PPFIBP1: variants seen among roughly 807,000 people sequenced by gnomAD.
The protein encoded by PPFIBP1 is liprin-beta-1.
A neutral mutation model predicts 137.8 loss-of-function variants in PPFIBP1; 112 were observed. The observed-to-expected ratio is 0.81, with a 90% confidence interval of 0.70 to 0.95. PPFIBP1 has a LOEUF of 0.95. Among genes scored for constraint, PPFIBP1 ranks in the 40% least tolerant of loss-of-function variants. The probability of loss-of-function intolerance (pLI) is 0.00; values close to 1 mark genes in which losing one functional copy is unlikely to be tolerated. For missense variants in PPFIBP1, 1,083 were observed against 1,196.6 expected (o/e 0.91, Z 1.40); for synonymous variants, 378 against 417.3 (o/e 0.91, Z 1.15).
chr12:27,640,372 G>A (rs775352846), intron 4 of PPFIBP1, among the ~76,000 whole-genome samples: 10 of 152,130 alleles, frequency 6.6e-5, no homozygotes, highest in African/African-American at 9.7e-5. Context: ...CTAGATCTTC[G>A]TATCCTGTCA....
At chr12:27,606,074 G>T (rs1218025352) in intron 2 of PPFIBP1, among the ~76,000 whole-genome samples, 2 of 152,150 alleles carry the variant, frequency 1.3e-5, no homozygotes, top group Non-Finnish European at 2.9e-5. Flanking sequence ...AATTTAATAA[G>T]AAAGGATTAA....
Position 27,637,934 on chromosome 12 carries a change from A to G in PPFIBP1, c.270+2819A>G, listed in dbSNP as rs145734236. Among the ~76,000 whole-genome samples the G allele has an allele frequency of 4.3e-3, 651 of 152,282 alleles. 6 individuals carry two copies. Among genetic ancestry groups the G allele is most frequent in the African/African-American group, 0.015 (617 of 41,542 alleles). ...GATCTTAAAATGGGTATATGTATACATTTTAGCTCGGATCCTTCCTCCCTT... is the reference window on the plus strand; with the variant it reads ...GATCTTAAAATGGGTATATGTATACGTTTTAGCTCGGATCCTTCCTCCCTT... On this transcript the variant is annotated intron_variant, in intron 4 of 29. Coordinates refer to ENST00000228425, the MANE Select transcript of PPFIBP1 (RefSeq NM_003622.4).
chr12:27,656,148 A>G (rs1274637065), intron 8 of PPFIBP1, among the ~76,000 whole-genome samples: 3 of 150,750 alleles, frequency 2.0e-5, no homozygotes, highest in Non-Finnish European at 4.4e-5. Context: ...TTGCTACCTT[A>G]CCCATGAATG....
At chr12:27,670,003 G>C (rs1305969128) in intron 13 of PPFIBP1, among the ~76,000 whole-genome samples, 1 of 152,198 alleles carries the variant, frequency 6.6e-6, no homozygotes, top group Non-Finnish European at 1.5e-5. Flanking sequence ...GACTGTTGCT[G>C]ACTGGTTGGC....
Position 27,682,601 on chromosome 12 carries a change from CCT to C in PPFIBP1, c.2159-7_2159-6del, listed in dbSNP as rs1227116368. On this transcript the variant is annotated splice_polypyrimidine_tract_variant and intron_variant, in intron 23 of 29. Coordinates refer to ENST00000228425, the MANE Select transcript of PPFIBP1 (RefSeq NM_003622.4). The stretch of plus-strand genomic sequence containing the variant: ...TTTTGTGGCATGGTAGCAACACTGG[CCT>C]CTCTCTTTTAGGATGGTTGGATGAC... 1.9e-6 allele frequency: 3 copies of C among 1,613,752 alleles called. No individual in the cohort carries two copies. The highest frequency in any genetic ancestry group is 1.1e-5 in the South Asian group (1 of 91,066).
At chr12:27,563,733 T>C (rs182273127) in intron 1 of PPFIBP1, among the ~76,000 whole-genome samples, 2 of 152,276 alleles carry the variant, frequency 1.3e-5, no homozygotes, top group Admixed American at 1.3e-4. Flanking sequence ...CCCCAGGCTG[T>C]CAGTCAGAGT....
At chr12:27,589,519 A>G (rs2052212446) in intron 2 of PPFIBP1, among the ~76,000 whole-genome samples, 1 of 152,206 alleles carries the variant, frequency 6.6e-6, no homozygotes, top group Admixed American at 6.5e-5. Context: ...CTGCTTTCTA[A>G]TATATAGCAT....
intron 10 of PPFIBP1, 123 bp from the exon 11 acceptor site, chr12:27,660,761 A>G: frequency 7.2e-7 from 1 of 1,396,796 alleles, no homozygotes; most frequent in Non-Finnish European, 9.5e-7. Flanking sequence ...CCCTTTTTAA[A>G]GAATAAATGA....
At chr12:27,536,535 A>G (rs1039221243) in intron 1 of PPFIBP1, among the ~76,000 whole-genome samples, 8 of 152,138 alleles carry the variant, frequency 5.3e-5, no homozygotes, top group Admixed American at 1.3e-4. Flanking sequence ...CCATGAACGA[A>G]TTGAGCAAGA....
chr12:27,627,579 A>G (rs1288526076), intron 2 of PPFIBP1, among the ~76,000 whole-genome samples: 2 of 152,210 alleles, frequency 1.3e-5, no homozygotes, highest in Non-Finnish European at 2.9e-5. Context: ...AAAATTTAAA[A>G]GAAACTTGCT....
chr12:27,598,402 C>T lies in PPFIBP1; in HGVS notation c.-36+20163C>T, dbSNP rs181234009. Among the ~76,000 whole-genome samples the T allele has an allele frequency of 3.8e-3, 582 of 152,214 alleles. 3 individuals are homozygous for T. The highest frequency in any genetic ancestry group is 6.9e-3 in the Non-Finnish European group (472 of 68,004). Reference sequence around the variant, plus strand: ...GACTTATTCACTGTCATGAGAACAGCGTGGGAAAGACCCACCCCCCATGAT... The same window carrying T: ...GACTTATTCACTGTCATGAGAACAGTGTGGGAAAGACCCACCCCCCATGAT... On this transcript the variant is annotated intron_variant, in intron 2 of 29. Coordinates refer to ENST00000228425, the MANE Select transcript of PPFIBP1 (RefSeq NM_003622.4).
intron 4 of PPFIBP1, among the ~76,000 whole-genome samples, chr12:27,639,557 A>G (rs1755239484): frequency 6.6e-6 from 1 of 152,230 alleles, no homozygotes; most frequent in Non-Finnish European, 1.5e-5. Context: ...AGGCCATCTC[A>G]AAGTCAGCAG....
chr12:27,531,563 A>C (rs1033322968), intron 1 of PPFIBP1, among the ~76,000 whole-genome samples: 2 of 151,744 alleles, frequency 1.3e-5, no homozygotes, highest in African/African-American at 4.8e-5. Flanking sequence ...TCAGCCTCCC[A>C]AAGTGCTGGG....
intron 7 of PPFIBP1, among the ~76,000 whole-genome samples, chr12:27,652,183 T>C (rs2058916313): frequency 6.6e-6 from 1 of 152,232 alleles, no homozygotes; most frequent in African/African-American, 2.4e-5. Context: ...TAACTTTCTC[T>C]TAGAATTTTA....
rs2060763845 is a variant in PPFIBP1, at chr12:27,679,648, A to G, written c.1766+9A>G. On this transcript the variant is annotated intron_variant, in intron 20 of 29. Transcript: ENST00000228425. The stretch of plus-strand genomic sequence containing the variant: ...ATGAAACTCTTTGGAAAGTAAGTAA[A>G]GCAGTAAACAAGTGGAATGGGCCCT... The G allele has an allele frequency of 3.7e-6, 6 of 1,613,174 alleles. No individual in the cohort carries two copies. The East Asian group carries it at 1.3e-4, about 36-fold the overall frequency.
chr12:27,635,173 T>G, intron 4 of PPFIBP1, 58 bp downstream of exon 4: 1 of 1,543,008 alleles, frequency 6.5e-7, no homozygotes, highest in Non-Finnish European at 9.0e-7. Flanking sequence ...TTCCAAAATT[T>G]AGAACATAGA....
rs2056186440 is a variant in PPFIBP1, at chr12:27,620,079, A to G, written c.-35-13283A>G. Among the ~76,000 whole-genome samples the G allele has an allele frequency of 2.6e-5, 4 of 151,452 alleles. No homozygotes were observed. In the South Asian group the frequency reaches 6.4e-4, roughly 24 times the overall value. On this transcript the variant is annotated intron_variant, in intron 2 of 29. Transcript: ENST00000228425. ...GCTCACACCCTGACCCGAGCCACCA[A>G]TAGAACACCTCTCATCTGAATTGTT...
chr12:27,637,867 A>AT (rs1353118555), intron 4 of PPFIBP1, among the ~76,000 whole-genome samples: 1 of 152,038 alleles, frequency 6.6e-6, no homozygotes, highest in African/African-American at 2.4e-5. Flanking sequence ...ATAATATTAA[A>AT]TTTTTCCAAT....
intron 1 of PPFIBP1, among the ~76,000 whole-genome samples, chr12:27,544,052 T>C (rs1945963776): frequency 6.6e-6 from 1 of 150,758 alleles, no homozygotes; most frequent in Non-Finnish European, 1.5e-5. Context: ...ACTAATTTTT[T>C]GATTTTTTAA....
Sources: allele counts gnomAD v4.1 joint callset (sites outside exome capture counted in the v4.1 genomes callset), GRCh38; gene constraint gnomAD v4.1.1; transcripts MANE v1.5; gene names NCBI Gene and HGNC (gene_info 2026-07-23, HGNC 2026-07-21).